CDH7: variants seen among roughly 807,000 people sequenced by gnomAD.
The protein encoded by CDH7 is cadherin 7.
A neutral mutation model predicts 71.8 loss-of-function variants in CDH7; 25 were observed. That is an observed-to-expected ratio of 0.35 (90% CI 0.25 to 0.49). The LOEUF is 0.49. CDH7 is among the 20% of genes least tolerant of loss of function. CDH7 has a pLI of 0.99. For synonymous variants in CDH7, 381 were observed against 363.8 expected (o/e 1.05, Z -0.54); for missense variants, 862 against 974.6 (o/e 0.88, Z 1.54).
intron 2 of CDH7, among the ~76,000 whole-genome samples, chr18:65,783,988 T>C (rs1436933588): frequency 6.6e-6 from 1 of 152,088 alleles, no homozygotes; most frequent in East Asian, 1.9e-4. Flanking sequence ...AGAGTCAGGC[T>C]CTGTGCAGGC....
intron 6 of CDH7, among the ~76,000 whole-genome samples, chr18:65,839,645 A>T (rs1402579148): frequency 6.6e-6 from 1 of 152,234 alleles, no homozygotes; most frequent in Non-Finnish European, 1.5e-5. Flanking sequence ...AATGTAAAAA[A>T]GTTTTATTAC....
intron 4 of CDH7, among the ~76,000 whole-genome samples, chr18:65,816,886 A>G (rs547856961): frequency 4.6e-5 from 7 of 152,274 alleles, no homozygotes; most frequent in Middle Eastern, 3.4e-3. Flanking sequence ...TGGACATTAC[A>G]TTTATTCCAT....
intron 6 of CDH7, among the ~76,000 whole-genome samples, chr18:65,829,665 A>T (rs541923654): frequency 2.0e-4 from 30 of 149,320 alleles, no homozygotes; most frequent in East Asian, 1.6e-3. Flanking sequence ...GTGCCCCCTT[A>T]CCATACTCAT....
chr18:65,813,560 T>C (rs1911618876), intron 3 of CDH7, among the ~76,000 whole-genome samples: 1 of 152,082 alleles, frequency 6.6e-6, no homozygotes, highest in Non-Finnish European at 1.5e-5. Context: ...TTTAAAATGT[T>C]GTATTCAGGA....
intron 4 of CDH7, among the ~76,000 whole-genome samples, chr18:65,819,166 C>G (rs906431054): frequency 6.6e-6 from 1 of 152,144 alleles, no homozygotes; most frequent in Non-Finnish European, 1.5e-5. Context: ...GAAGTTACCA[C>G]CTGTCTCCGT....
chr18:65,813,479 G>T (rs1318403947), intron 3 of CDH7, among the ~76,000 whole-genome samples: 2 of 152,004 alleles, frequency 1.3e-5, no homozygotes, highest in Admixed American at 1.3e-4. Context: ...TAGCAAAATG[G>T]GCATTAATGA....
intron 2 of CDH7, among the ~76,000 whole-genome samples, chr18:65,792,875 G>A (rs2143862003): frequency 6.6e-6 from 1 of 152,270 alleles, no homozygotes; most frequent in African/African-American, 2.4e-5. Flanking sequence ...GCAGCGGGCA[G>A]TGCAGTACAG....
intron 1 of CDH7, among the ~76,000 whole-genome samples, chr18:65,757,425 G>A (rs916938082): frequency 2.0e-5 from 3 of 151,890 alleles, no homozygotes; most frequent in Non-Finnish European, 4.4e-5. Context: ...ATATTTTTCA[G>A]TGTTTTATTT....
At chr18:65,837,772 T>C (rs1379890194) in intron 6 of CDH7, among the ~76,000 whole-genome samples, 1 of 152,100 alleles carries the variant, frequency 6.6e-6, no homozygotes, top group Non-Finnish European at 1.5e-5. Flanking sequence ...AATGCAGTTG[T>C]TCATAATAAA....
rs1021112480 is a variant in CDH7 at position 65,884,632 on chromosome 18, C to T, written c.*3738C>T. 2 of 150,272 alleles carry T rather than the reference C, an allele frequency of 1.3e-5. No homozygotes were observed. Among genetic ancestry groups the T allele is most frequent in the African/African-American group, 4.9e-5 (2 of 40,822 alleles). 9.3% of individuals were successfully genotyped at this position (150,272 alleles called of 1,614,324 possible). The stretch of plus-strand genomic sequence containing the variant: ...GTAGGAATGATATTTGTGAAGTGAT[C>T]CACATGCCCAAGAAATGCAAATGCA... On this transcript the variant is annotated 3_prime_UTR_variant, in exon 12 of 12. Transcript: ENST00000397968.
At chr18:65,839,319 C>G (rs540004368) in intron 6 of CDH7, among the ~76,000 whole-genome samples, 13 of 152,142 alleles carry the variant, frequency 8.5e-5, no homozygotes, top group Non-Finnish European at 1.5e-4. Flanking sequence ...TGGCATCTGA[C>G]GAGGGCCCTC....
intron 2 of CDH7, among the ~76,000 whole-genome samples, chr18:65,798,808 G>A (rs77294776): frequency 0.057 from 8,689 of 152,186 alleles, 332 homozygotes; most frequent in South Asian, 0.14. Flanking sequence ...TTCAACTGAG[G>A]ATGATTTTTG....
intron 2 of CDH7, among the ~76,000 whole-genome samples, chr18:65,783,984 A>C (rs1910413555): frequency 6.6e-6 from 1 of 152,102 alleles, no homozygotes; most frequent in Admixed American, 6.6e-5. Flanking sequence ...AGACAGAGTC[A>C]GGCTCTGTGC....
rs1568177271 is a variant in CDH7, at chr18:65,773,723, T to C, written c.210+10671T>C. ...GGTATGAAAATGTATTTTTAAAAGT[T>C]AGTGAGCTTAATGAGGAAAGGGATT... On this transcript the variant is annotated intron_variant, in intron 2 of 11. Coordinates refer to ENST00000397968, the MANE Select transcript of CDH7 (RefSeq NM_004361.5). Among the ~76,000 whole-genome samples the C allele has an allele frequency of 3.3e-5, 5 of 152,240 alleles. No homozygotes were observed. The South Asian group carries it at 1.0e-3, about 32-fold the overall frequency.
At position 65,817,062 on chromosome 18, in the gene CDH7, C is replaced by T. The variant is rs540316709; in HGVS notation, c.625+2458C>T. 3.9e-3 allele frequency among the ~76,000 whole-genome samples: 601 copies of T among 152,224 alleles called. 5 individuals are homozygous for T. The highest frequency in any genetic ancestry group is 0.018 in the South Asian group (89 of 4,822). ...GTTCTTAAATGATTAAGTTTAAATA[C>T]ATCATCAGCAAATCTTTAAACTGAG... On this transcript the variant is annotated intron_variant, in intron 4 of 11. Coordinates refer to ENST00000397968, the MANE Select transcript of CDH7 (RefSeq NM_004361.5).
At chr18:65,843,749 A>G in intron 6 of CDH7, 63 bp from the exon 7 acceptor site, 1 of 1,400,366 alleles carries the variant, frequency 7.1e-7, no homozygotes, top group Non-Finnish European at 9.4e-7. Flanking sequence ...TCATAAATGA[A>G]AAGGCTCTGC....
intron 2 of CDH7, among the ~76,000 whole-genome samples, chr18:65,776,132 A>G (rs1227563542): frequency 2.0e-5 from 3 of 152,078 alleles, no homozygotes; most frequent in Non-Finnish European, 4.4e-5. Flanking sequence ...ATTATTGAAG[A>G]GTGATACATG....
intron 11 of CDH7, among the ~76,000 whole-genome samples, chr18:65,872,943 T>A (rs567835066): frequency 1.7e-3 from 258 of 151,468 alleles, no homozygotes; most frequent in Non-Finnish European, 2.6e-3. Flanking sequence ...TTTAAAAAAA[T>A]TTAAAAAACA....
intron 2 of CDH7, among the ~76,000 whole-genome samples, chr18:65,792,748 G>T (rs1306794486): frequency 6.6e-6 from 1 of 152,018 alleles, no homozygotes; most frequent in Non-Finnish European, 1.5e-5. Flanking sequence ...TCTTATCCAT[G>T]CAGGCTGATT....
Sources: allele counts gnomAD v4.1 joint callset (sites outside exome capture counted in the v4.1 genomes callset), GRCh38; gene constraint gnomAD v4.1.1; transcripts MANE v1.5; gene names NCBI Gene and HGNC (gene_info 2026-07-23, HGNC 2026-07-21).